NRXN1: variants seen among roughly 807,000 people sequenced by gnomAD.
NRXN1 encodes neurexin 1, also known as neurexin-1.
NRXN1 carries 39 observed loss-of-function variants against 150.9 expected under a neutral mutation model. That is an observed-to-expected ratio of 0.26 (90% CI 0.20 to 0.34). NRXN1 has a LOEUF of 0.34. Ranked by LOEUF, NRXN1 falls within the 10% of genes least tolerant of loss-of-function variation. NRXN1 has a pLI of 1.00. For synonymous variants in NRXN1, 924 were observed against 757.0 expected, an observed-to-expected ratio of 1.22 and a Z score of -3.62; for missense variants, 1,815 against 1,949.9, an observed-to-expected ratio of 0.93 and a Z score of 1.30.
intron 17 of NRXN1, among the ~76,000 whole-genome samples, chr2:50,394,991 C>T (rs1236626591): frequency 6.6e-6 from 1 of 152,070 alleles, no homozygotes; most frequent in Non-Finnish European, 1.5e-5. Flanking sequence ...TAAAAGGTCC[C>T]CTTTCAAAGA....
At chr2:50,629,659 A>G (rs1362923687) in intron 5 of NRXN1, among the ~76,000 whole-genome samples, 1 of 151,680 alleles carries the variant, frequency 6.6e-6, no homozygotes, top group Non-Finnish European at 1.5e-5. Flanking sequence ...CATAAAATGA[A>G]TTTGTCTGAT....
chr2:50,878,629 T>C (rs1678965285), intron 5 of NRXN1, among the ~76,000 whole-genome samples: 1 of 151,962 alleles, frequency 6.6e-6, no homozygotes, highest in African/African-American at 2.4e-5. Flanking sequence ...AAGGATTCAA[T>C]TAAGGATGAT....
chr2:50,940,088 C>A (rs1400531717), intron 2 of NRXN1, among the ~76,000 whole-genome samples: 1 of 152,096 alleles, frequency 6.6e-6, no homozygotes, highest in Non-Finnish European at 1.5e-5. Context: ...TTATTTAATT[C>A]TATTTATGGC....
At chr2:50,794,410 T>C (rs947998432) in intron 5 of NRXN1, among the ~76,000 whole-genome samples, 2 of 152,110 alleles carry the variant, frequency 1.3e-5, no homozygotes, top group African/African-American at 4.8e-5. Flanking sequence ...CATTCTGCAG[T>C]GTTTATAAGT....
rs922276878 is a variant in NRXN1, at chr2:50,719,092, G to T, written c.833-95477C>A. Among the ~76,000 whole-genome samples the T allele has an allele frequency of 4.0e-5, 6 of 151,466 alleles. No homozygotes were observed. In the South Asian group the frequency reaches 1.0e-3, roughly 26 times the overall value. On this transcript the variant is annotated intron_variant, in intron 5 of 22. Transcript: ENST00000401669. ...GTGAATGCACTAAAACACATTCAAA[G>T]AATTAAAAATTTGGAGGCTTGGAGG...
rs540013339 is a variant in NRXN1, at chr2:50,794,579, TA to T, written c.832+127289del. Among the ~76,000 whole-genome samples, 20 of 152,090 alleles carry T rather than the reference TA, an allele frequency of 1.3e-4. 1 individual carries two copies. The highest frequency in any genetic ancestry group is 6.6e-4 in the Admixed American group (10 of 15,258). ...AATCAAATCTGCATTGTAATTTCTA[TA>T]AAAAAAATCAATTAAACACAAGGAG... On this transcript the variant is annotated intron_variant, in intron 5 of 22. Coordinates refer to ENST00000401669, the MANE Select transcript of NRXN1 (RefSeq NM_001330078.2).
chr2:50,788,083 T>C (rs1250396103), intron 5 of NRXN1, among the ~76,000 whole-genome samples: 1 of 151,812 alleles, frequency 6.6e-6, no homozygotes, highest in Non-Finnish European at 1.5e-5. Context: ...TGCTTTATTA[T>C]CTTCCCCTCG....
At chr2:50,940,430 G>A (rs1408292491) in intron 2 of NRXN1, among the ~76,000 whole-genome samples, 4 of 148,992 alleles carry the variant, frequency 2.7e-5, no homozygotes, top group Non-Finnish European at 4.4e-5. Context: ...AACCAATATC[G>A]TGCCACTGTA....
At chr2:50,382,750 C>G (rs531234484) in intron 17 of NRXN1, among the ~76,000 whole-genome samples, 1 of 152,074 alleles carries the variant, frequency 6.6e-6, no homozygotes. Context: ...CAAGTCAGGA[C>G]GAGAAGAGAT....
At chr2:50,645,400 T>C (rs528191924) in intron 5 of NRXN1, among the ~76,000 whole-genome samples, 2 of 151,974 alleles carry the variant, frequency 1.3e-5, no homozygotes, top group Non-Finnish European at 2.9e-5. Context: ...CTGGAATTAA[T>C]AGCACCTGCA....
intron 15 of NRXN1, among the ~76,000 whole-genome samples, chr2:50,475,059 T>C (rs940642423): frequency 6.6e-6 from 1 of 151,982 alleles, no homozygotes; most frequent in Non-Finnish European, 1.5e-5. Flanking sequence ...ACATGACAAA[T>C]AGCAATGAAA....
At chr2:50,774,952 A>G (rs1703431417) in intron 5 of NRXN1, among the ~76,000 whole-genome samples, 1 of 152,168 alleles carries the variant, frequency 6.6e-6, no homozygotes, top group Non-Finnish European at 1.5e-5. Context: ...TTATGCATCT[A>G]CTTATTCATA....
chr2:50,419,369 C>T (rs777301283), intron 17 of NRXN1, among the ~76,000 whole-genome samples: 4 of 152,124 alleles, frequency 2.6e-5, no homozygotes, highest in Admixed American at 6.6e-5. Context: ...AGTTTCACAG[C>T]GAATAATTCA....
intron 5 of NRXN1, among the ~76,000 whole-genome samples, chr2:50,661,124 T>G (rs1687242603): frequency 6.6e-6 from 1 of 152,002 alleles, no homozygotes; most frequent in Non-Finnish European, 1.5e-5. Context: ...CTATTCACAT[T>G]TTACAGAGAA....
At position 50,962,850 on chromosome 2, in the gene NRXN1, T is replaced by C. The variant is rs116714867; in HGVS notation, c.773-36895A>G. On this transcript the variant is annotated intron_variant, in intron 2 of 22. Coordinates refer to ENST00000401669, the MANE Select transcript of NRXN1 (RefSeq NM_001330078.2). Reference sequence around the variant, plus strand: ...TGAATGCTTCCTAAGATTTCATTCATTATCAGTCAACCAGCAAGTACTGAA... The same window carrying C: ...TGAATGCTTCCTAAGATTTCATTCACTATCAGTCAACCAGCAAGTACTGAA... Among the ~76,000 whole-genome samples, 361 of 151,754 alleles carry C rather than the reference T, an allele frequency of 2.4e-3. 2 individuals carry two copies. The highest frequency in any genetic ancestry group is 3.8e-3 in the Non-Finnish European group (254 of 67,728).
intron 2 of NRXN1, among the ~76,000 whole-genome samples, chr2:50,988,068 G>A (rs1697987540): frequency 6.6e-6 from 1 of 151,922 alleles, no homozygotes; most frequent in Admixed American, 6.6e-5. Flanking sequence ...TCAGGGAACT[G>A]GGATAGTTCT....
At chr2:50,925,092 A>G (rs1016614203) in intron 3 of NRXN1, among the ~76,000 whole-genome samples, 1 of 151,894 alleles carries the variant, frequency 6.6e-6, no homozygotes, top group African/African-American at 2.4e-5. Flanking sequence ...CTGTGAATAT[A>G]TAAGTTGATA....
intron 5 of NRXN1, among the ~76,000 whole-genome samples, chr2:50,824,620 C>T (rs912259824): frequency 3.9e-5 from 6 of 152,222 alleles, no homozygotes; most frequent in Non-Finnish European, 7.4e-5. Flanking sequence ...CAAATAAATA[C>T]GTTGAGGCCA....
intron 17 of NRXN1, among the ~76,000 whole-genome samples, chr2:50,285,142 G>A (rs577821081): frequency 7.2e-5 from 11 of 152,256 alleles, no homozygotes; most frequent in South Asian, 4.1e-4. Context: ...AAATTCTAAC[G>A]AGCACCTTCT....
Sources: gnomAD v4.1 joint callset for allele counts (sites outside exome capture counted in the v4.1 genomes callset) on GRCh38, gnomAD v4.1.1 for gene constraint, MANE v1.5 for transcripts, NCBI Gene and HGNC (gene_info 2026-07-23, HGNC 2026-07-21) for gene names.